The following EMG1 variants were observed in gnomAD, a reference collection of about 807,000 sequenced individuals.
EMG1 encodes EMG1 N1-specific pseudouridine methyltransferase.
In EMG1, 24 loss-of-function variants were observed where a neutral mutation model predicts 26.9. The observed-to-expected ratio is 0.89, with a 90% CI of 0.65 to 1.26. The LOEUF (loss-of-function observed/expected upper bound fraction) is 1.26, where lower values mean the gene tolerates loss of function less well. Ranked by LOEUF, EMG1 falls within the 50% of genes most tolerant of loss-of-function variation. EMG1 has a pLI of 0.00. For synonymous variants in EMG1, 140 were observed against 112.6 expected (o/e 1.24, Z -1.54); for missense variants, 299 against 307.6 (o/e 0.97, Z 0.21).
At chr12:6,971,510 A>T (rs1311941047) in intron 1 of EMG1, among the ~76,000 whole-genome samples, 3 of 152,058 alleles carry the variant, frequency 2.0e-5, no homozygotes, top group Non-Finnish European at 2.9e-5. Flanking sequence ...TCCTGACCTC[A>T]AGTGATCCGC....
rs1946371822 is a variant in EMG1, at chr12:6,974,624, A to C, written c.343A>C (p.Asn115His). ...LLQVYIHTQK[N>H]VLIEVNPQTR... The stretch of plus-strand genomic sequence containing the variant: ...ACAGGTTTATATCCATACACAGAAG[A>C]ATGTTCTGATTGAAGTGAATCCCCA... The change falls in exon 3 of 6, where the codon AAT becomes CAT. Residue 115 changes from asparagine (N) to histidine (H), a missense_variant. By Grantham distance (68) the Asn-to-His change is moderately conservative. Coordinates refer to ENST00000599672, the MANE Select transcript of EMG1 (RefSeq NM_006331.8). 2 of 1,613,854 alleles carry C rather than the reference A, an allele frequency of 1.2e-6. No homozygotes were observed. The highest frequency in any genetic ancestry group is 2.7e-5 in the African/African-American group (2 of 74,910).
At chr12:6,974,042 A>G (rs1015913189) in intron 1 of EMG1, among the ~76,000 whole-genome samples, 3 of 152,220 alleles carry the variant, frequency 2.0e-5, no homozygotes, top group African/African-American at 7.2e-5. Context: ...AGGTTTTTTA[A>G]TTAAATCCAG....
downstream of EMG1, chr12:6,981,742 C>T (rs782610273): frequency 5.5e-5 from 78 of 1,425,410 alleles, no homozygotes; most frequent in Middle Eastern, 3.5e-4. Flanking sequence ...GGGGGGGTGC[C>T]GAGGAAGTTT....
rs1946439170 is a variant in EMG1 at position 6,978,917 on chromosome 12, AC to A, written c.*3109del. ...TCCCTTGGAGAGCCTCAAGGGCAGC[AC>A]TGTATTTAACTTCTCTACTGTTTGC... On this transcript the variant is annotated 3_prime_UTR_variant, in exon 6 of 6. Transcript: ENST00000599672. 1.8e-6 allele frequency: 1 copy of A among 552,842 alleles called. No homozygotes were observed. Among genetic ancestry groups the A allele is most frequent in the Non-Finnish European group, 3.1e-6 (1 of 319,320 alleles). 34.2% of individuals were successfully genotyped at this position (552,842 alleles called of 1,614,324 possible). A position where few individuals can be genotyped will look rare whatever the true frequency, so the allele number is the denominator to read the frequency against.
chr12:6,974,654 C>T lies in EMG1; in HGVS notation c.373C>T (p.Arg125Ter), dbSNP rs782538249. 5.0e-6 allele frequency: 8 copies of T among 1,613,834 alleles called. No homozygotes were observed. The highest frequency in any genetic ancestry group is 1.3e-5 in the African/African-American group (1 of 74,922). The change falls in exon 3 of 6, where the codon CGA becomes TGA. Residue 125 changes from arginine to a stop codon, truncating the protein, a stop_gained. Transcript: ENST00000599672. LOFTEE classifies it high-confidence loss of function. ...TCTGATTGAAGTGAATCCCCAGACCCGAATTCCCAGAACCTTTGACCGCTT... is the reference window on the plus strand; with the variant it reads ...TCTGATTGAAGTGAATCCCCAGACCTGAATTCCCAGAACCTTTGACCGCTT... ...NVLIEVNPQT[R>*]IPRTFDRFCG...
Position 6,978,594 on chromosome 12 carries a change from T to C in EMG1, c.*2785T>C. 6.2e-7 allele frequency: 1 copy of C among 1,614,134 alleles called. No individual in the cohort carries two copies. Among genetic ancestry groups the C allele is most frequent in the Non-Finnish European group, 8.5e-7 (1 of 1,179,988 alleles). ...CTAAATAGGACCTTGTTTCAACTTT[T>C]CTACTTACTGTGACCAGCCAACAGG... On this transcript the variant is annotated 3_prime_UTR_variant, in exon 6 of 6. Transcript: ENST00000599672.
At position 6,972,770 on chromosome 12, in the gene EMG1, TA is replaced by T. The variant is rs200152408; in HGVS notation, c.169-1567del. 7.2e-3 allele frequency among the ~76,000 whole-genome samples: 1,102 copies of T among 152,328 alleles called. 16 individuals carry two copies. Among genetic ancestry groups the T allele is most frequent in the African/African-American group, 0.024 (1,011 of 41,580 alleles). On this transcript the variant is annotated intron_variant, in intron 1 of 5. Coordinates refer to ENST00000599672, the MANE Select transcript of EMG1 (RefSeq NM_006331.8). ...GTGGTTTACAAAGCAGCTTCATATA[TA>T]ATCACTGCCCTTTAGTGTCTCAGCT...
intron 7 of EMG1, among the ~76,000 whole-genome samples, chr12:6,993,459 A>G (rs1400855445): frequency 6.6e-6 from 1 of 151,918 alleles, no homozygotes; most frequent in Non-Finnish European, 1.5e-5. Context: ...AAGGTTGTGC[A>G]GCCATCCCCA....
At chr12:6,989,751 T>A (rs1946570027), downstream of EMG1, among the ~76,000 whole-genome samples, 1 of 152,214 alleles carries the variant, frequency 6.6e-6, no homozygotes, top group South Asian at 2.1e-4. Context: ...AGGGACCAGA[T>A]CTATCACAAC....
chr12:6,984,152 T>G (rs931310228), downstream of EMG1, among the ~76,000 whole-genome samples: 13 of 152,244 alleles, frequency 8.5e-5, no homozygotes, highest in African/African-American at 2.4e-5. Context: ...TTACAAGTTA[T>G]GTGGAGATAC....
chr12:6,992,125 G>A (rs1946595082), downstream of EMG1, among the ~76,000 whole-genome samples: 1 of 151,954 alleles, frequency 6.6e-6, no homozygotes, highest in African/African-American at 2.4e-5. Context: ...ACAATATTTA[G>A]CCTGGGCGAC....
downstream of EMG1, among the ~76,000 whole-genome samples, chr12:6,993,038 A>G (rs1357512606): frequency 6.6e-6 from 1 of 152,198 alleles, no homozygotes; most frequent in Non-Finnish European, 1.5e-5. Context: ...GGAACCCACA[A>G]ATATGGAGGG....
chr12:6,980,894 T>C (rs1555153970), downstream of EMG1: 2 of 1,113,566 alleles, frequency 1.8e-6, no homozygotes, highest in Non-Finnish European at 2.5e-6. Flanking sequence ...AGGGCCTGCA[T>C]GACTCAGGTC....
At chr12:6,985,269 G>A (rs1193949402) in intron 6 of EMG1, among the ~76,000 whole-genome samples, 2 of 151,866 alleles carry the variant, frequency 1.3e-5, no homozygotes, top group Admixed American at 6.6e-5. Flanking sequence ...GGTGGCGGGC[G>A]CCTATAGTCC....
chr12:6,974,508 CCT>C (rs1555152758), intron 2 of EMG1, 42 bp from the exon 3 acceptor site: 2 of 1,608,856 alleles, frequency 1.2e-6, no homozygotes, highest in Admixed American at 1.7e-5. Context: ...CTGAGTGCTG[CCT>C]CTCTTCAGCC....
intron 3 of EMG1, 55 bp downstream of exon 3, chr12:6,974,748 G>T: frequency 6.3e-7 from 1 of 1,590,466 alleles, no homozygotes. Context: ...AAGAAGGGAG[G>T]AAGAGGAAAA....
downstream of EMG1, among the ~76,000 whole-genome samples, chr12:6,989,915 G>A (rs1946571446): frequency 6.6e-6 from 1 of 152,186 alleles, no homozygotes; most frequent in African/African-American, 2.4e-5. Context: ...GCTCACACCT[G>A]TAATCCCAGT....
chr12:6,997,379 ATGTGTGTG>A (rs201579525), exon 8 of EMG1: 2,956 of 114,106 alleles, frequency 0.026, 29 homozygotes, highest in Middle Eastern at 0.076. Context: ...ACAGCAAATT[ATGTGTGTG>A]TGTGTGTGTG....
intron 4 of EMG1, 33 bp downstream of exon 4, chr12:6,975,181 G>A (rs1946379243): frequency 2.5e-6 from 4 of 1,613,858 alleles, no homozygotes; most frequent in Non-Finnish European, 3.4e-6. Context: ...TTGAAGGCTG[G>A]TTCTGGGAAT....
Sources: allele counts gnomAD v4.1 joint callset (sites outside exome capture counted in the v4.1 genomes callset), GRCh38; gene constraint gnomAD v4.1.1; transcripts MANE v1.5; gene names NCBI Gene and HGNC (gene_info 2026-07-23, HGNC 2026-07-21).